The following ATG5 variants were observed in gnomAD, a reference collection of about 807,000 sequenced individuals.
ATG5 encodes autophagy related 5.
A neutral mutation model predicts 36.5 loss-of-function variants in ATG5; 14 were observed. That is an observed-to-expected ratio of 0.38 (90% confidence interval 0.25 to 0.60). The LOEUF (loss-of-function observed/expected upper bound fraction) is 0.60. Ranked by LOEUF, ATG5 falls within the 20% of genes least tolerant of loss-of-function variation. The probability of loss-of-function intolerance (pLI) is 0.60; values close to 1 mark genes in which losing one functional copy is unlikely to be tolerated. For synonymous variants in ATG5, 95 were observed against 101.5 expected (o/e 0.94, Z 0.38); for missense variants, 195 against 326.7 (o/e 0.60, Z 3.11).
intron 5 of ATG5, among the ~76,000 whole-genome samples, chr6:106,274,711 G>A (rs538628234): frequency 3.9e-5 from 6 of 152,228 alleles, no homozygotes; most frequent in African/African-American, 1.4e-4. Flanking sequence ...ATGAAAAATT[G>A]TTAATATTAT....
chr6:106,300,690 C>G (rs1455701329), intron 3 of ATG5, among the ~76,000 whole-genome samples: 5 of 152,058 alleles, frequency 3.3e-5, no homozygotes, highest in Non-Finnish European at 4.4e-5. Flanking sequence ...ATACTCTAGA[C>G]AACTGTAACA....
At chr6:106,255,115 A>G (rs747347886) in intron 5 of ATG5, among the ~76,000 whole-genome samples, 7 of 152,220 alleles carry the variant, frequency 4.6e-5, no homozygotes, top group Non-Finnish European at 7.3e-5. Context: ...CAGCCATATC[A>G]TGTAACGGTG....
At chr6:106,319,136 T>C (rs927001517) in intron 1 of ATG5, among the ~76,000 whole-genome samples, 1 of 152,166 alleles carries the variant, frequency 6.6e-6, no homozygotes, top group Non-Finnish European at 1.5e-5. Context: ...CTTACCACAT[T>C]AGATACAAGA....
At chr6:106,267,840 A>G (rs1290935741) in intron 5 of ATG5, among the ~76,000 whole-genome samples, 2 of 152,224 alleles carry the variant, frequency 1.3e-5, no homozygotes, top group African/African-American at 2.4e-5. Context: ...AAATGAACTC[A>G]AGGTGGATAA....
At chr6:106,303,798 G>A (rs1326609756) in intron 3 of ATG5, among the ~76,000 whole-genome samples, 1 of 152,006 alleles carries the variant, frequency 6.6e-6, no homozygotes. Context: ...AGCTAAGGAA[G>A]AAAAGTGATA....
intron 2 of ATG5, among the ~76,000 whole-genome samples, chr6:106,309,315 T>C (rs1025765930): frequency 4.6e-5 from 7 of 152,178 alleles, no homozygotes; most frequent in African/African-American, 1.7e-4. Flanking sequence ...GACAAATATA[T>C]ACAGAAAGAG....
intron 7 of ATG5, among the ~76,000 whole-genome samples, chr6:106,199,347 C>G (rs1385957514): frequency 2.6e-5 from 4 of 152,112 alleles, no homozygotes; most frequent in African/African-American, 9.7e-5. Context: ...CAGGGAGAAC[C>G]AAAATGTGAT....
intron 3 of ATG5, among the ~76,000 whole-genome samples, chr6:106,295,759 C>CA (rs1323379205): frequency 6.6e-6 from 1 of 151,654 alleles, no homozygotes; most frequent in Non-Finnish European, 1.5e-5. Flanking sequence ...AGATAGTGTC[C>CA]AACTATGTTG....
At chr6:106,315,408 A>G (rs1214341675) in intron 2 of ATG5, among the ~76,000 whole-genome samples, 1 of 152,218 alleles carries the variant, frequency 6.6e-6, no homozygotes. Flanking sequence ...GTCATCTCTG[A>G]CAGAGGCATA....
At position 106,225,008 on chromosome 6, in the gene ATG5, A is replaced by G. The variant is rs565513552; in HGVS notation, c.574-22919T>C. On this transcript the variant is annotated intron_variant, in intron 6 of 7. Coordinates refer to ENST00000369076, the MANE Select transcript of ATG5 (RefSeq NM_004849.4). The stretch of plus-strand genomic sequence containing the variant: ...ACAGGAGGCATGACAAGCCATCATC[A>G]TTGCTGTTAAAATAACTCACAGCAA... Among the ~76,000 whole-genome samples, 3 of 152,370 alleles carry G rather than the reference A, an allele frequency of 2.0e-5. No homozygotes were observed. The East Asian group carries it at 5.8e-4, about 29-fold the overall frequency.
intron 6 of ATG5, among the ~76,000 whole-genome samples, chr6:106,247,567 T>C (rs771019542): frequency 5.3e-5 from 8 of 152,244 alleles, no homozygotes; most frequent in Non-Finnish European, 1.2e-4. Flanking sequence ...CCTGGGGGAA[T>C]ACAAGGTTAT....
intron 6 of ATG5, among the ~76,000 whole-genome samples, chr6:106,205,655 A>G (rs1776602827): frequency 6.6e-6 from 1 of 152,176 alleles, no homozygotes; most frequent in Non-Finnish European, 1.5e-5. Context: ...TAACCTCACT[A>G]TTGGAGAAAT....
At chr6:106,222,339 A>G (rs1381949518) in intron 6 of ATG5, among the ~76,000 whole-genome samples, 2 of 152,204 alleles carry the variant, frequency 1.3e-5, no homozygotes, top group African/African-American at 4.8e-5. Context: ...TGAGCATGGG[A>G]ATTGAAGTTA....
chr6:106,288,766 A>G (rs1402059219), intron 4 of ATG5, among the ~76,000 whole-genome samples: 1 of 152,232 alleles, frequency 6.6e-6, no homozygotes, highest in Non-Finnish European at 1.5e-5. Flanking sequence ...AAAGCACATT[A>G]AAGTTTGAAA....
chr6:106,254,777 T>C (rs1312906308), intron 5 of ATG5, among the ~76,000 whole-genome samples: 3 of 152,182 alleles, frequency 2.0e-5, no homozygotes, highest in Non-Finnish European at 2.9e-5. Flanking sequence ...TCAGGACCAG[T>C]ATGGAAAAGT....
intron 6 of ATG5, among the ~76,000 whole-genome samples, chr6:106,242,005 T>C (rs1323455721): frequency 1.3e-5 from 2 of 152,090 alleles, no homozygotes; most frequent in Non-Finnish European, 2.9e-5. Flanking sequence ...GCAGCATTAT[T>C]CACAATAGCC....
At chr6:106,306,264 C>G (rs1770443006) in intron 3 of ATG5, among the ~76,000 whole-genome samples, 1 of 152,044 alleles carries the variant, frequency 6.6e-6, no homozygotes, top group African/African-American at 2.4e-5. Context: ...CACTATTTAC[C>G]CATAAACCTA....
At chr6:106,305,466 T>C (rs1770409330) in intron 3 of ATG5, among the ~76,000 whole-genome samples, 1 of 152,204 alleles carries the variant, frequency 6.6e-6, no homozygotes, top group South Asian at 2.1e-4. Context: ...ACTGTCACCT[T>C]ATGAAAAGAC....
intron 6 of ATG5, among the ~76,000 whole-genome samples, chr6:106,219,277 T>C (rs1777153067): frequency 6.6e-6 from 1 of 152,188 alleles, no homozygotes; most frequent in African/African-American, 2.4e-5. Context: ...GTCATTTCTA[T>C]TTGCAAATGT....
Sources: gnomAD v4.1 joint callset for allele counts (sites outside exome capture counted in the v4.1 genomes callset) on GRCh38, gnomAD v4.1.1 for gene constraint, MANE v1.5 for transcripts, NCBI Gene and HGNC (gene_info 2026-07-23, HGNC 2026-07-21) for gene names.